CYP2C19: variants seen among roughly 807,000 people sequenced by gnomAD.
The protein encoded by CYP2C19 is cytochrome P450 2C19.
Under a neutral mutation model 40.9 loss-of-function variants are expected in CYP2C19, and 59 were observed. That is an observed-to-expected ratio of 1.44 (90% confidence interval 1.17 to 1.79). The LOEUF (loss-of-function observed/expected upper bound fraction) is 1.79. Ranked by LOEUF, CYP2C19 falls within the 40% of genes most tolerant of loss-of-function variation. The pLI is 0.00. For synonymous variants in CYP2C19, 253 were observed against 208.7 expected (o/e 1.21, Z -1.83); for missense variants, 754 against 596.9 (o/e 1.26, Z -2.74).
intron 5 of CYP2C19, among the ~76,000 whole-genome samples, chr10:94,795,502 CT>C (rs1244311365): frequency 6.6e-6 from 1 of 152,064 alleles, no homozygotes; most frequent in Non-Finnish European, 1.5e-5. Flanking sequence ...GGTTTATAAT[CT>C]TTTGGGTATT....
chr10:94,837,222 A>G (rs1016496168), intron 6 of CYP2C19, among the ~76,000 whole-genome samples: 1 of 152,012 alleles, frequency 6.6e-6, no homozygotes, highest in Non-Finnish European at 1.5e-5. Context: ...CTAAAATTGG[A>G]GTATTGCAGG....
At chr10:94,831,983 C>T (rs1849342900) in intron 6 of CYP2C19, among the ~76,000 whole-genome samples, 1 of 152,082 alleles carries the variant, frequency 6.6e-6, no homozygotes, top group Admixed American at 6.6e-5. Flanking sequence ...TTGCCTAGAC[C>T]AATGTCCTGG....
At chr10:94,852,033 C>T (rs1385133773) in intron 8 of CYP2C19, among the ~76,000 whole-genome samples, 2 of 152,092 alleles carry the variant, frequency 1.3e-5, no homozygotes, top group Non-Finnish European at 2.9e-5. Flanking sequence ...TCATCTTGTT[C>T]AAAAGGAGAA....
At chr10:94,797,896 T>C (rs1848710599) in intron 5 of CYP2C19, among the ~76,000 whole-genome samples, 1 of 152,148 alleles carries the variant, frequency 6.6e-6, no homozygotes, top group South Asian at 2.1e-4. Context: ...TCTTTATTAG[T>C]CTTCCTAGTG....
At chr10:94,800,786 G>C (rs1848753071) in intron 5 of CYP2C19, among the ~76,000 whole-genome samples, 1 of 152,178 alleles carries the variant, frequency 6.6e-6, no homozygotes, top group South Asian at 2.1e-4. Context: ...TGCTGTGCTA[G>C]CAGTGAACAA....
At chr10:94,832,017 T>C (rs1366546752) in intron 6 of CYP2C19, among the ~76,000 whole-genome samples, 3 of 152,204 alleles carry the variant, frequency 2.0e-5, no homozygotes, top group Non-Finnish European at 4.4e-5. Flanking sequence ...TATTTTCCTA[T>C]AGTATTTTCA....
intron 6 of CYP2C19, among the ~76,000 whole-genome samples, chr10:94,833,788 A>G (rs1647692672): frequency 6.6e-6 from 1 of 152,228 alleles, no homozygotes; most frequent in South Asian, 2.1e-4. Flanking sequence ...TTCTGTTGAT[A>G]TGATGTATCA....
chr10:94,804,921 A>G (rs1316736833), intron 5 of CYP2C19, among the ~76,000 whole-genome samples: 2 of 152,080 alleles, frequency 1.3e-5, no homozygotes, highest in Non-Finnish European at 2.9e-5. Context: ...TTAGTGTCAG[A>G]GTCTTTTATT....
intron 6 of CYP2C19, 68 bp downstream of exon 6, chr10:94,820,705 C>G (rs1034268102): frequency 1.1e-4 from 170 of 1,587,238 alleles, no homozygotes; most frequent in Non-Finnish European, 1.4e-4. Context: ...CTAGTGTTCT[C>G]CTTTCTGTTT....
chr10:94,826,055 C>T (rs1849215088), intron 6 of CYP2C19, among the ~76,000 whole-genome samples: 1 of 151,368 alleles, frequency 6.6e-6, no homozygotes, highest in Admixed American at 6.6e-5. Flanking sequence ...GTTTTGGTTA[C>T]TGTAGCCTTG....
intron 8 of CYP2C19, among the ~76,000 whole-genome samples, chr10:94,851,582 C>G (rs977589771): frequency 6.6e-6 from 1 of 152,086 alleles, no homozygotes; most frequent in African/African-American, 2.4e-5. Flanking sequence ...TGATAAATAA[C>G]AGAAATTTAT....
At position 94,853,978 on chromosome 10, in the gene CYP2C19, TG is replaced by T. The variant is rs1320516229; in HGVS notation, c.*1065del. Reference sequence around the variant, plus strand: ...CTTTCATATTGCTGCTCATGTGTTTTGTCATGCTTCTCTCTTCAAACATGAA... The same window carrying T: ...CTTTCATATTGCTGCTCATGTGTTTTTCATGCTTCTCTCTTCAAACATGAA... On this transcript the variant is annotated 3_prime_UTR_variant, in exon 9 of 9. Coordinates refer to ENST00000371321, the MANE Select transcript of CYP2C19 (RefSeq NM_000769.4). 2.6e-5 allele frequency among the ~76,000 whole-genome samples: 4 copies of T among 152,188 alleles called. No homozygotes were observed. Among genetic ancestry groups the T allele is most frequent in the Non-Finnish European group, 4.4e-5 (3 of 68,026 alleles).
intron 5 of CYP2C19, among the ~76,000 whole-genome samples, chr10:94,801,078 C>A (rs528551792): frequency 6.6e-6 from 1 of 152,304 alleles, no homozygotes; most frequent in South Asian, 2.1e-4. Flanking sequence ...GTTGGAAGTG[C>A]AGAAATCACT....
chr10:94,845,223 T>A (rs984565148), intron 7 of CYP2C19, among the ~76,000 whole-genome samples: 1 of 152,200 alleles, frequency 6.6e-6, no homozygotes, highest in African/African-American at 2.4e-5. Context: ...TATTTTAGAC[T>A]TTTTAGGCCA....
intron 1 of CYP2C19, among the ~76,000 whole-genome samples, chr10:94,763,641 A>G (rs1054891950): frequency 6.6e-6 from 1 of 152,034 alleles, no homozygotes; most frequent in Non-Finnish European, 1.5e-5. Context: ...GATCAAGAGA[A>G]TGAGGCTGTA....
At chr10:94,781,760 C>T (rs1848480705) in intron 4 of CYP2C19, 61 bp from the exon 5 acceptor site, 1 of 784,832 alleles carries the variant, frequency 1.3e-6, no homozygotes, top group South Asian at 5.0e-5. Context: ...CAGAGCTTGG[C>T]ATATTGTATC....
intron 7 of CYP2C19, among the ~76,000 whole-genome samples, chr10:94,849,706 C>T (rs1258890623): frequency 7.0e-6 from 1 of 143,734 alleles, no homozygotes; most frequent in Non-Finnish European, 1.5e-5. Flanking sequence ...TGTTCAATTC[C>T]TGATTGTGGG....
At chr10:94,771,658 A>G (rs1317334450) in intron 1 of CYP2C19, among the ~76,000 whole-genome samples, 1 of 152,086 alleles carries the variant, frequency 6.6e-6, no homozygotes, top group Non-Finnish European at 1.5e-5. Flanking sequence ...ATTGTCTCTC[A>G]TCGGAAAGAC....
At chr10:94,829,337 A>G (rs1849289397) in intron 6 of CYP2C19, among the ~76,000 whole-genome samples, 1 of 152,096 alleles carries the variant, frequency 6.6e-6, no homozygotes, top group Non-Finnish European at 1.5e-5. Flanking sequence ...ACATAGTCCC[A>G]TATTTCTTGG....
Sources: gnomAD v4.1 joint callset for allele counts (sites outside exome capture counted in the v4.1 genomes callset) on GRCh38, gnomAD v4.1.1 for gene constraint, MANE v1.5 for transcripts, NCBI Gene and HGNC (gene_info 2026-07-23, HGNC 2026-07-21) for gene names.